The following PLEKHA5 variants were observed in gnomAD, a reference collection of about 807,000 sequenced individuals.
PLEKHA5 encodes the protein pleckstrin homology domain containing A5.
In PLEKHA5, 55 loss-of-function variants were observed where a neutral mutation model predicts 181.9. The ratio of observed to expected loss-of-function variants is 0.30; its 90% CI spans 0.24 to 0.38. PLEKHA5 has a LOEUF of 0.38. PLEKHA5 is among the 10% of genes least tolerant of loss of function. The probability of loss-of-function intolerance (pLI) is 1.00; values close to 1 mark genes in which losing one functional copy is unlikely to be tolerated. For synonymous variants in PLEKHA5, 535 were observed against 529.4 expected (o/e 1.01, Z -0.15); for missense variants, 1,432 against 1,549.5 (o/e 0.92, Z 1.27).
chr12:19,319,420 C>T (rs997721918), intron 16 of PLEKHA5, among the ~76,000 whole-genome samples: 17 of 152,132 alleles, frequency 1.1e-4, no homozygotes, highest in African/African-American at 4.1e-4. Flanking sequence ...TCAAAGTTAT[C>T]TCCTGTTTAA....
rs75979216 is a variant in PLEKHA5 at position 19,308,017 on chromosome 12, A to G, written c.2038-6797A>G. On this transcript the variant is annotated intron_variant, in intron 15 of 31. Coordinates refer to ENST00000429027, the MANE Select transcript of PLEKHA5 (RefSeq NM_001256470.2). Reference sequence around the variant, plus strand: ...AGTAAAGATAGGGAAAAGGACCAGGAAAGAAAATCAGAGAGTGATACAGAT... The same window carrying G: ...AGTAAAGATAGGGAAAAGGACCAGGGAAGAAAATCAGAGAGTGATACAGAT... 2.5e-3 allele frequency among the ~76,000 whole-genome samples: 379 copies of G among 152,294 alleles called. 7 individuals are homozygous for G. In the East Asian group the frequency reaches 0.049, roughly 19 times the overall value.
At chr12:19,363,799 GCCTTAAGAGT>G (rs1432241647) in intron 29 of PLEKHA5, among the ~76,000 whole-genome samples, 2 of 152,160 alleles carry the variant, frequency 1.3e-5, no homozygotes, top group East Asian at 3.9e-4. Context: ...GCCTTAACTG[GCCTTAAGAGT>G]ATATCTTCAA....
At chr12:19,274,371 G>T (rs2073952229) in intron 10 of PLEKHA5, 145 bp from the exon 11 acceptor site, 1 of 610,362 alleles carries the variant, frequency 1.6e-6, no homozygotes, top group Non-Finnish European at 2.9e-6. Flanking sequence ...ACAGCATTGG[G>T]TATTTGTGTA....
In PLEKHA5 at chr12:19,369,705, C is replaced by G; in HGVS notation, c.3767C>G (p.Ser1256Cys). ...TTGTGTGTTTTAGTGAAAAGTCTGT[C>G]CCCATCTCCTGAGTCCTCGGCATCG... ...GNQTMAVKSLSPSPESSASPV... is the reference protein window; with the variant it reads ...GNQTMAVKSLCPSPESSASPV... Residue 1256 changes from serine to cysteine, a missense_variant, in exon 31 of 32, where the codon TCC becomes TGC. By Grantham distance (112) the Ser-to-Cys change is moderately radical (BLOSUM62 -1). This residue lies in a region of PLEKHA5 where 1,143 missense variants were observed against 1,168.4 expected (regional missense o/e 0.98). Coordinates refer to ENST00000429027, the MANE Select transcript of PLEKHA5 (RefSeq NM_001256470.2). 1.9e-6 allele frequency: 3 copies of G among 1,608,554 alleles called. No homozygotes were observed. Among genetic ancestry groups the G allele is most frequent in the Non-Finnish European group, 2.6e-6 (3 of 1,176,308 alleles).
chr12:19,300,519 C>T (rs2081184305), intron 15 of PLEKHA5, among the ~76,000 whole-genome samples: 1 of 152,126 alleles, frequency 6.6e-6, no homozygotes, highest in African/African-American at 2.4e-5. Context: ...TTGCCTCTGT[C>T]TTAATTTTAT....
intron 25 of PLEKHA5, among the ~76,000 whole-genome samples, chr12:19,352,487 T>G (rs951949950): frequency 6.6e-6 from 1 of 152,102 alleles, no homozygotes. Context: ...ATTGTATGAT[T>G]TTTTTAAAGC....
chr12:19,146,956 A>C (rs1201330004), intron 3 of PLEKHA5: 1 of 152,236 alleles, frequency 6.6e-6, no homozygotes, highest in African/African-American at 2.4e-5. Context: ...TAATAGGCTT[A>C]TGATGTTGTG....
chr12:19,316,551 T>C (rs2088828183), intron 16 of PLEKHA5, among the ~76,000 whole-genome samples: 1 of 152,124 alleles, frequency 6.6e-6, no homozygotes, highest in Admixed American at 6.5e-5. Context: ...AAAACTAAAA[T>C]TGTATAGAAC....
At chr12:19,337,541 T>C in intron 21 of PLEKHA5, among the ~76,000 whole-genome samples, 1 of 126,322 alleles carries the variant, frequency 7.9e-6, no homozygotes, top group Admixed American at 8.6e-5. Context: ...AGAGCGAGAC[T>C]CTATCTCAAA....
intron 3 of PLEKHA5, among the ~76,000 whole-genome samples, chr12:19,237,380 TA>T (rs1303772504): frequency 6.6e-6 from 1 of 152,110 alleles, no homozygotes; most frequent in Non-Finnish European, 1.5e-5. Flanking sequence ...TTTAAAATCT[TA>T]TTGTTCCTTA....
intron 3 of PLEKHA5, among the ~76,000 whole-genome samples, chr12:19,237,878 GT>G (rs1326603245): frequency 1.3e-5 from 2 of 151,586 alleles, no homozygotes; most frequent in African/African-American, 4.8e-5. Flanking sequence ...TTTTTCTTTT[GT>G]TTTTAGACAT....
chr12:19,190,441 T>G (rs901981099), intron 3 of PLEKHA5, among the ~76,000 whole-genome samples: 2 of 152,194 alleles, frequency 1.3e-5, no homozygotes, highest in Non-Finnish European at 2.9e-5. Context: ...GGCTGAGAGA[T>G]AACTGATTGC....
At chr12:19,281,807 A>G (rs2152790853) in intron 11 of PLEKHA5, among the ~76,000 whole-genome samples, 1 of 151,244 alleles carries the variant, frequency 6.6e-6, no homozygotes, top group Non-Finnish European at 1.5e-5. Flanking sequence ...TTTGAGATGG[A>G]GTCTCACTCT....
At chr12:19,279,675 A>G (rs1044793020) in intron 11 of PLEKHA5, among the ~76,000 whole-genome samples, 6 of 150,832 alleles carry the variant, frequency 4.0e-5, no homozygotes, top group African/African-American at 1.5e-4. Flanking sequence ...AAAAAAAAAT[A>G]CATACATATA....
chr12:19,137,104 G>T (rs567067068), intron 3 of PLEKHA5, among the ~76,000 whole-genome samples: 5 of 151,860 alleles, frequency 3.3e-5, no homozygotes, highest in African/African-American at 1.2e-4. Context: ...CATGATCTCA[G>T]CTCACGCAAC....
intron 15 of PLEKHA5, chr12:19,307,133 C>A: frequency 1.2e-6 from 1 of 854,086 alleles, no homozygotes; most frequent in Non-Finnish European, 2.0e-6. Flanking sequence ...CATGTAGCTG[C>A]TGGTCTTGTT....
chr12:19,240,000 A>G (rs1177046777), intron 3 of PLEKHA5, among the ~76,000 whole-genome samples: 3 of 152,262 alleles, frequency 2.0e-5, no homozygotes, highest in Non-Finnish European at 4.4e-5. Flanking sequence ...CAAGATAGCT[A>G]TTTTGAAAGA....
intron 3 of PLEKHA5, among the ~76,000 whole-genome samples, chr12:19,205,016 T>G (rs2055087362): frequency 6.6e-6 from 1 of 152,138 alleles, no homozygotes; most frequent in African/African-American, 2.4e-5. Context: ...GTTGACATAG[T>G]TAATTCTATA....
intron 3 of PLEKHA5, among the ~76,000 whole-genome samples, chr12:19,194,019 G>A (rs1363046057): frequency 1.3e-5 from 2 of 152,096 alleles, no homozygotes; most frequent in African/African-American, 2.4e-5. Context: ...GGGATCCACC[G>A]CCATGACCCA....
Sources: gnomAD v4.1 joint callset for allele counts (sites outside exome capture counted in the v4.1 genomes callset) on GRCh38, gnomAD v4.1.1 for gene constraint, gnomAD v4.1.1 regional missense constraint, MANE v1.5 for transcripts, NCBI Gene and HGNC (gene_info 2026-07-23, HGNC 2026-07-21) for gene names.